ACSS3: variants seen among roughly 807,000 people sequenced by gnomAD.
ACSS3 encodes the protein acyl-CoA synthetase short chain family member 3.
A neutral mutation model predicts 84.2 loss-of-function variants in ACSS3; 64 were observed. That is an observed-to-expected ratio of 0.76 (90% confidence interval 0.62 to 0.94). ACSS3 has a LOEUF of 0.94. Ranked by LOEUF, ACSS3 falls within the 40% of genes least tolerant of loss-of-function variation. The pLI is 0.00. For missense variants in ACSS3, 815 were observed against 867.6 expected, an observed-to-expected ratio of 0.94 and a Z score of 0.76; for synonymous variants, 317 against 310.1, an observed-to-expected ratio of 1.02 and a Z score of -0.23.
intron 13 of ACSS3, among the ~76,000 whole-genome samples, chr12:81,239,366 A>G (rs1467154999): frequency 2.0e-5 from 3 of 152,038 alleles, no homozygotes; most frequent in Non-Finnish European, 4.4e-5. Context: ...AAAAACATAA[A>G]TCAGATATTT....
intron 8 of ACSS3, among the ~76,000 whole-genome samples, chr12:81,177,971 C>T (rs554678636): frequency 2.0e-5 from 3 of 152,150 alleles, no homozygotes; most frequent in African/African-American, 4.8e-5. Context: ...TGGGTATATA[C>T]CCAAAGGACT....
intron 1 of ACSS3, among the ~76,000 whole-genome samples, chr12:81,101,932 T>C (rs1309123143): frequency 6.6e-6 from 1 of 152,100 alleles, no homozygotes; most frequent in Non-Finnish European, 1.5e-5. Context: ...TTTTTTCTTA[T>C]TAATTTGTAG....
At chr12:81,154,281 A>G (rs1448366327) in intron 7 of ACSS3, among the ~76,000 whole-genome samples, 2 of 152,200 alleles carry the variant, frequency 1.3e-5, no homozygotes, top group African/African-American at 2.4e-5. Context: ...ATTGAGATAC[A>G]TACATATTTT....
chr12:81,227,002 C>T (rs1457417987), intron 11 of ACSS3, among the ~76,000 whole-genome samples: 2 of 147,694 alleles, frequency 1.4e-5, no homozygotes, highest in Admixed American at 6.8e-5. Flanking sequence ...TATATATATA[C>T]ATACACACAT....
intron 9 of ACSS3, among the ~76,000 whole-genome samples, chr12:81,214,521 T>G (rs1449563299): frequency 6.6e-6 from 1 of 152,200 alleles, no homozygotes; most frequent in African/African-American, 2.4e-5. Flanking sequence ...AGTTGTCTTA[T>G]AATCATAATG....
chr12:81,109,491 A>G lies in ACSS3; in HGVS notation c.312-69A>G, dbSNP rs150786838. 2.3e-4 allele frequency: 344 copies of G among 1,525,978 alleles called. 1 individual carries two copies. In the African/African-American group the frequency reaches 4.3e-3, roughly 19 times the overall value. 94.5% of individuals were successfully genotyped at this position (1,525,978 alleles called of 1,614,324 possible). ...GCCAGCTCTATCAAACTAGAAATAT[A>G]ATAACTTCATTAAGTGACAATATAT... On this transcript the variant is annotated intron_variant, in intron 1 of 15. Coordinates refer to ENST00000548058, the MANE Select transcript of ACSS3 (RefSeq NM_024560.4).
chr12:81,242,931 C>G (rs1192833254), intron 13 of ACSS3, among the ~76,000 whole-genome samples: 2 of 152,104 alleles, frequency 1.3e-5, no homozygotes, highest in African/African-American at 4.8e-5. Context: ...TGGAAGCATT[C>G]CCTTTGCAAA....
chr12:81,222,882 T>C (rs2033155771), intron 11 of ACSS3, among the ~76,000 whole-genome samples: 1 of 152,050 alleles, frequency 6.6e-6, no homozygotes, highest in Non-Finnish European at 1.5e-5. Flanking sequence ...AAGTGAGAAC[T>C]TCATGTCCAC....
chr12:81,094,048 C>G (rs985369165), intron 1 of ACSS3, among the ~76,000 whole-genome samples: 7 of 151,692 alleles, frequency 4.6e-5, no homozygotes, highest in Admixed American at 4.6e-4. Flanking sequence ...ATAAATATTT[C>G]CTAATCCTTT....
At chr12:81,147,000 A>G (rs1886372667) in intron 5 of ACSS3, among the ~76,000 whole-genome samples, 1 of 149,296 alleles carries the variant, frequency 6.7e-6, no homozygotes, top group Non-Finnish European at 1.5e-5. Context: ...CCTGCCCCAG[A>G]AAAAAAAAAG....
chr12:81,138,048 T>A (rs1462270262), intron 3 of ACSS3, among the ~76,000 whole-genome samples: 1 of 152,120 alleles, frequency 6.6e-6, no homozygotes, highest in East Asian at 1.9e-4. Context: ...AAGCAGGCAA[T>A]ACTATATATG....
chr12:81,228,837 G>A (rs73156024), intron 11 of ACSS3, among the ~76,000 whole-genome samples: 6 of 151,944 alleles, frequency 3.9e-5, no homozygotes, highest in Non-Finnish European at 8.8e-5. Flanking sequence ...AGCAGATAGT[G>A]TGTGGATGCT....
At chr12:81,136,350 C>T (rs965355116) in intron 3 of ACSS3, among the ~76,000 whole-genome samples, 1 of 152,130 alleles carries the variant, frequency 6.6e-6, no homozygotes, top group African/African-American at 2.4e-5. Context: ...AGCTTTGCTG[C>T]TGTAGCACAA....
At chr12:81,109,284 T>C (rs1883361521) in intron 1 of ACSS3, among the ~76,000 whole-genome samples, 1 of 152,196 alleles carries the variant, frequency 6.6e-6, no homozygotes, top group Non-Finnish European at 1.5e-5. Context: ...ACCCTAGTTT[T>C]ATCCTAAGCA....
At chr12:81,181,450 G>A (rs573171293) in intron 8 of ACSS3, among the ~76,000 whole-genome samples, 114 of 152,204 alleles carry the variant, frequency 7.5e-4, no homozygotes, top group Middle Eastern at 3.4e-3. Context: ...CAGAAGATGC[G>A]CAAGCATTAA....
intron 8 of ACSS3, among the ~76,000 whole-genome samples, chr12:81,196,389 A>G (rs1389675422): frequency 6.6e-6 from 1 of 152,180 alleles, no homozygotes; most frequent in Non-Finnish European, 1.5e-5. Flanking sequence ...CTCACCAGTA[A>G]TTTTTATATT....
intron 8 of ACSS3, among the ~76,000 whole-genome samples, chr12:81,189,158 AT>A (rs1032804350): frequency 4.6e-5 from 7 of 152,086 alleles, no homozygotes; most frequent in African/African-American, 1.7e-4. Flanking sequence ...ATTGTTTCTA[AT>A]TTTTTGACTC....
At chr12:81,152,929 A>G (rs1156635337) in intron 7 of ACSS3, among the ~76,000 whole-genome samples, 1 of 152,242 alleles carries the variant, frequency 6.6e-6, no homozygotes. Flanking sequence ...TATAACATCC[A>G]TAACTTAAAC....
chr12:81,209,612 T>C (rs2032504110), intron 9 of ACSS3, among the ~76,000 whole-genome samples: 1 of 152,058 alleles, frequency 6.6e-6, no homozygotes, highest in Non-Finnish European at 1.5e-5. Flanking sequence ...CACACAAGAT[T>C]GAATTCAGGG....
Sources: gnomAD v4.1 joint callset for allele counts (sites outside exome capture counted in the v4.1 genomes callset) on GRCh38, gnomAD v4.1.1 for gene constraint, MANE v1.5 for transcripts, NCBI Gene and HGNC (gene_info 2026-07-23, HGNC 2026-07-21) for gene names.